Variants in DGKB observed in about 807,000 individuals in gnomAD.
DGKB encodes diacylglycerol kinase beta.
In DGKB, 67 loss-of-function variants were observed where a neutral mutation model predicts 114.3. The ratio of observed to expected loss-of-function variants is 0.59; its 90% CI spans 0.48 to 0.72. The LOEUF is 0.72. Among genes scored for constraint, DGKB ranks in the 30% least tolerant of loss-of-function variants. The probability of loss-of-function intolerance (pLI) is 0.00; values close to 1 mark genes in which losing one functional copy is unlikely to be tolerated. For synonymous variants in DGKB, 398 were observed against 323.1 expected (o/e 1.23, Z -2.49); for missense variants, 907 against 975.2 (o/e 0.93, Z 0.93).
intron 13 of DGKB, among the ~76,000 whole-genome samples, chr7:14,665,404 A>G (rs1291825206): frequency 6.6e-6 from 1 of 151,958 alleles, no homozygotes; most frequent in East Asian, 1.9e-4. Flanking sequence ...ATGAGGAAAA[A>G]TAAGTAATGC....
intron 23 of DGKB, among the ~76,000 whole-genome samples, chr7:14,320,536 G>A (rs1807565570): frequency 6.6e-6 from 1 of 151,376 alleles, no homozygotes; most frequent in African/African-American, 2.4e-5. Context: ...TACCGCATAT[G>A]CGGTACATAT....
intron 20 of DGKB, among the ~76,000 whole-genome samples, chr7:14,507,119 A>T (rs1787211180): frequency 6.6e-6 from 1 of 152,330 alleles, no homozygotes; most frequent in South Asian, 2.1e-4. Context: ...CTATTGTGTT[A>T]AGCCATAGAG....
At chr7:14,484,992 A>C (rs1299445134) in intron 20 of DGKB, among the ~76,000 whole-genome samples, 3 of 151,152 alleles carry the variant, frequency 2.0e-5, no homozygotes. Flanking sequence ...ACAGAAAAAT[A>C]ATACCATTTA....
intron 23 of DGKB, among the ~76,000 whole-genome samples, chr7:14,199,859 G>T (rs552670037): frequency 7.4e-4 from 113 of 152,128 alleles, no homozygotes; most frequent in Non-Finnish European, 1.3e-3. Flanking sequence ...CAAGATATTT[G>T]TTATTTAGCA....
chr7:14,266,798 C>G (rs1797582274), intron 23 of DGKB, among the ~76,000 whole-genome samples: 1 of 152,152 alleles, frequency 6.6e-6, no homozygotes, highest in Non-Finnish European at 1.5e-5. Flanking sequence ...ATAGACAATA[C>G]TGTTTATTTT....
chr7:14,420,492 T>C (rs2128762726), intron 21 of DGKB, among the ~76,000 whole-genome samples: 1 of 152,160 alleles, frequency 6.6e-6, no homozygotes, highest in Admixed American at 6.6e-5. Context: ...GGGAGCAGTA[T>C]CTATCCTATT....
chr7:14,947,811 C>A (rs535477620), intron 1 of DGKB, among the ~76,000 whole-genome samples: 2 of 151,854 alleles, frequency 1.3e-5, no homozygotes, highest in East Asian at 3.9e-4. Context: ...ATAATTCCAA[C>A]ATATCCGTTA....
chr7:14,823,373 T>C (rs559314923), intron 2 of DGKB, among the ~76,000 whole-genome samples: 22 of 152,194 alleles, frequency 1.4e-4, no homozygotes, highest in African/African-American at 4.6e-4. Context: ...AAACTAAACA[T>C]AGAATGTTTT....
intron 15 of DGKB, among the ~76,000 whole-genome samples, chr7:14,615,788 A>G (rs188848462): frequency 1.4e-4 from 22 of 151,860 alleles, no homozygotes; most frequent in Admixed American, 2.6e-4. Context: ...AAAATTGTGG[A>G]TATTATCACA....
intron 21 of DGKB, among the ~76,000 whole-genome samples, chr7:14,375,935 T>C (rs1818411566): frequency 6.6e-6 from 1 of 152,248 alleles, no homozygotes; most frequent in Non-Finnish European, 1.5e-5. Context: ...GTATTTGAAC[T>C]AGGCATACAG....
intron 23 of DGKB, among the ~76,000 whole-genome samples, chr7:14,327,713 A>G (rs1808991118): frequency 6.6e-6 from 1 of 152,148 alleles, no homozygotes; most frequent in Non-Finnish European, 1.5e-5. Context: ...CTCACTAGAC[A>G]TTCTGATACT....
At chr7:14,354,389 G>T (rs1028093952) in intron 21 of DGKB, among the ~76,000 whole-genome samples, 11 of 152,100 alleles carry the variant, frequency 7.2e-5, no homozygotes, top group African/African-American at 2.4e-4. Flanking sequence ...TCCTGACTTT[G>T]GGTATCAGGG....
chr7:14,599,371 C>T (rs572964756), intron 17 of DGKB, among the ~76,000 whole-genome samples: 1 of 152,288 alleles, frequency 6.6e-6, no homozygotes, highest in South Asian at 2.1e-4. Context: ...ATCCGACTGC[C>T]CTTCACTCTG....
chr7:14,277,265 G>A (rs1305529901), intron 23 of DGKB, among the ~76,000 whole-genome samples: 2 of 152,050 alleles, frequency 1.3e-5, no homozygotes, highest in African/African-American at 2.4e-5. Flanking sequence ...CCACCTCCCA[G>A]GTTCAAGCGA....
chr7:14,238,604 G>A (rs945666772), intron 23 of DGKB, among the ~76,000 whole-genome samples: 5 of 151,758 alleles, frequency 3.3e-5, no homozygotes, highest in East Asian at 1.9e-4. Flanking sequence ...AGCAATGATC[G>A]TAGCAAATCA....
At chr7:14,969,821 A>G (rs1217269890) in intron 1 of DGKB, among the ~76,000 whole-genome samples, 1 of 152,220 alleles carries the variant, frequency 6.6e-6, no homozygotes, top group Admixed American at 6.5e-5. Flanking sequence ...ATAACACATT[A>G]CTAAACTGAA....
At chr7:14,321,578 C>G (rs1807813848) in intron 23 of DGKB, among the ~76,000 whole-genome samples, 1 of 143,918 alleles carries the variant, frequency 6.9e-6, no homozygotes, top group South Asian at 2.2e-4. Flanking sequence ...CAGCCTTGCA[C>G]TGGAGACTTT....
intron 4 of DGKB, among the ~76,000 whole-genome samples, chr7:14,749,083 T>C (rs1365731517): frequency 6.6e-6 from 1 of 152,196 alleles, no homozygotes; most frequent in Non-Finnish European, 1.5e-5. Context: ...AACTCAAAAA[T>C]TGATATGAAG....
chr7:14,908,942 G>T (rs989415063), intron 1 of DGKB, among the ~76,000 whole-genome samples: 5 of 152,120 alleles, frequency 3.3e-5, no homozygotes, highest in African/African-American at 1.2e-4. Flanking sequence ...CATCTGTGTG[G>T]TATTTGTCCT....
Sources: allele counts gnomAD v4.1 joint callset (sites outside exome capture counted in the v4.1 genomes callset), GRCh38; gene constraint gnomAD v4.1.1; transcripts MANE v1.5; gene names NCBI Gene and HGNC (gene_info 2026-07-23, HGNC 2026-07-21).